TGIF1: variants seen among roughly 807,000 people sequenced by gnomAD.
TGIF1 encodes the protein TGFB induced factor homeobox 1, also known as homeobox protein TGIF1.
A neutral mutation model predicts 19.3 loss-of-function variants in TGIF1; 4 were observed. The observed-to-expected ratio is 0.21, with a 90% CI of 0.10 to 0.47. The LOEUF is 0.47. Among genes scored for constraint, TGIF1 ranks in the 20% least tolerant of loss-of-function variants. The pLI is 0.98. For synonymous variants in TGIF1, 122 were observed against 129.3 expected, an observed-to-expected ratio of 0.94 and a Z score of 0.38; for missense variants, 275 against 341.4, an observed-to-expected ratio of 0.81 and a Z score of 1.53.
chr18:3,416,788 C>T (rs944960934), intron 1 of TGIF1, among the ~76,000 whole-genome samples: 8 of 151,500 alleles, frequency 5.3e-5, no homozygotes, highest in East Asian at 3.9e-4. Flanking sequence ...AAAAATTAGC[C>T]GGGCGTGTTG....
chr18:3,422,022 C>A (rs558186177), intron 2 of TGIF1, among the ~76,000 whole-genome samples: 1 of 151,662 alleles, frequency 6.6e-6, no homozygotes, highest in Admixed American at 6.6e-5. Flanking sequence ...GGTGAAACCC[C>A]GTCTCTACTA....
intron 2 of TGIF1, among the ~76,000 whole-genome samples, chr18:3,428,385 C>T (rs1005963807): frequency 2.6e-5 from 4 of 151,992 alleles, no homozygotes; most frequent in Non-Finnish European, 4.4e-5. Flanking sequence ...ATGAGGTAGC[C>T]ATTTTTTCAT....
upstream of TGIF1, among the ~76,000 whole-genome samples, chr18:3,447,339 T>TAAA (rs11421150): frequency 4.2e-5 from 6 of 141,714 alleles, no homozygotes; most frequent in Admixed American, 2.8e-4. Flanking sequence ...CTATATACTT[T>TAAA]AAAAAAAAAA....
intron 2 of TGIF1, among the ~76,000 whole-genome samples, chr18:3,422,683 T>TG (rs1452701064): frequency 4.7e-5 from 6 of 128,746 alleles, no homozygotes; most frequent in Non-Finnish European, 6.7e-5. Flanking sequence ...CTTTTTTTTT[T>TG]TTTTTTTTTT....
intron 2 of TGIF1, among the ~76,000 whole-genome samples, chr18:3,428,997 G>T (rs150897137): frequency 0.014 from 2,077 of 152,134 alleles, 22 homozygotes; most frequent in Non-Finnish European, 0.022. Flanking sequence ...AGGTTAGAGT[G>T]AGCCGAGATC....
chr18:3,447,738 A>G (rs760131484), upstream of TGIF1: 28 of 1,614,002 alleles, frequency 1.7e-5, no homozygotes, highest in Non-Finnish European at 2.2e-5. Flanking sequence ...AACCGTTTGG[A>G]TATGACTTGC....
rs1274684268 is a variant in TGIF1 at position 3,422,777 on chromosome 18, A to G, written c.-45+4562A>G. 1.6e-4 allele frequency among the ~76,000 whole-genome samples: 21 copies of G among 129,192 alleles called. 1 individual carries two copies. Among genetic ancestry groups the G allele is most frequent in the South Asian group, 7.8e-4 (3 of 3,866 alleles). 84.8% of individuals were successfully genotyped at this position (129,192 alleles called of 152,430 possible). On this transcript the variant is annotated intron_variant, in intron 2 of 3. Transcript: ENST00000401449. Reference sequence around the variant, plus strand: ...GTGATCTCCGCTCACTGCAAGCTCCACCTCCTGGGTTCACACCATTCTCCT... The same window carrying G: ...GTGATCTCCGCTCACTGCAAGCTCCGCCTCCTGGGTTCACACCATTCTCCT...
upstream of TGIF1, among the ~76,000 whole-genome samples, chr18:3,447,053 T>A (rs1568042370): frequency 6.6e-6 from 1 of 152,230 alleles, no homozygotes; most frequent in Non-Finnish European, 1.5e-5. Context: ...TATCTGCCTT[T>A]CCAAGTTTCT....
chr18:3,452,410 A>G (rs1242744149), intron 1 of TGIF1: 18 of 1,612,814 alleles, frequency 1.1e-5, no homozygotes, highest in Non-Finnish European at 1.4e-5. Context: ...AAACTTTGCG[A>G]CTGGTTCAGG....
chr18:3,448,808 C>T (rs985126097), upstream of TGIF1, among the ~76,000 whole-genome samples: 8 of 148,262 alleles, frequency 5.4e-5, no homozygotes, highest in African/African-American at 2.1e-4. Context: ...TATCCCTTGG[C>T]CGTCTTAGTA....
rs1598897289 is a variant in TGIF1, at chr18:3,451,542, AG to A, written c.16+1041del. Reference sequence around the variant, plus strand: ...GTTAATCACTCGGGAAGCGGACGGGAGGGGCGGCGCTACTGCGCATGCCCGG... The same window carrying A: ...GTTAATCACTCGGGAAGCGGACGGGAGGGCGGCGCTACTGCGCATGCCCGG... On this transcript the variant is annotated intron_variant, in intron 1 of 2. Coordinates refer to ENST00000343820, the MANE Select transcript of TGIF1 (RefSeq NM_003244.4). The surrounding 1 kb of genome is among the most constrained non-coding windows in gnomAD (Gnocchi z 5.4). The A allele has an allele frequency of 2.4e-6, 2 of 837,066 alleles. No homozygotes were observed. Among genetic ancestry groups the A allele is most frequent in the Non-Finnish European group, 2.9e-6 (2 of 696,240 alleles). The allele number at this position is 837,066 out of a possible 1,614,324, so 51.9% of individuals were successfully genotyped here.
rs1442302887 is a variant in TGIF1 at position 3,450,200 on chromosome 18, A to G, written c.-290A>G. ...CTGACAGCGCCGAGGTGCGCCGAGC[A>G]GGAGCAGGGAACAAAGGAGCGGAGA... On this transcript the variant is annotated 5_prime_UTR_variant, in exon 1 of 3. Coordinates refer to ENST00000343820, the MANE Select transcript of TGIF1 (RefSeq NM_003244.4). The G allele has an allele frequency of 7.3e-7, 1 of 1,366,586 alleles. No homozygotes were observed. Among genetic ancestry groups the G allele is most frequent in the Non-Finnish European group, 9.4e-7 (1 of 1,059,530 alleles). 84.7% of individuals were successfully genotyped at this position (1,366,586 alleles called of 1,614,324 possible).
At chr18:3,427,843 G>A (rs1012547344) in intron 2 of TGIF1, among the ~76,000 whole-genome samples, 15 of 152,150 alleles carry the variant, frequency 9.9e-5, no homozygotes, top group African/African-American at 3.1e-4. Flanking sequence ...CAGGTGATCC[G>A]CCTGCCTGGG....
chr18:3,448,673 G>T (rs2082798701), upstream of TGIF1: 4 of 970,916 alleles, frequency 4.1e-6, no homozygotes, highest in East Asian at 3.4e-4. Flanking sequence ...AACCACCCAG[G>T]CTTTTTAAAC....
intron 1 of TGIF1, among the ~76,000 whole-genome samples, chr18:3,452,614 G>A (rs904914740): frequency 6.6e-6 from 1 of 152,050 alleles, no homozygotes; most frequent in African/African-American, 2.4e-5. Flanking sequence ...TTTCACTTGA[G>A]GCCGAGGAAC....
chr18:3,453,093 A>G (rs1008821418), intron 1 of TGIF1, among the ~76,000 whole-genome samples: 3 of 151,466 alleles, frequency 2.0e-5, no homozygotes, highest in African/African-American at 4.9e-5. Flanking sequence ...TCCCAAGGAG[A>G]TACTGATTTT....
chr18:3,427,031 C>T (rs1328148960), intron 2 of TGIF1, among the ~76,000 whole-genome samples: 1 of 151,584 alleles, frequency 6.6e-6, no homozygotes, highest in African/African-American at 2.4e-5. Flanking sequence ...TCAACCTCCA[C>T]CTCCCGGGTT....
chr18:3,417,406 T>C (rs2082347429), intron 1 of TGIF1, among the ~76,000 whole-genome samples: 1 of 151,880 alleles, frequency 6.6e-6, no homozygotes, highest in African/African-American at 2.4e-5. Flanking sequence ...GTCATCCACC[T>C]GCCTCAGCCT....
Position 3,456,909 on chromosome 18 carries a change from T to C in TGIF1, c.243+329T>C. ...AGGACGACTTCAGTGAGGTAATTCA[T>C]GTTATGTCTGTTGACACAGTCATTT... On this transcript the variant is annotated intron_variant, in intron 2 of 2. Coordinates refer to ENST00000343820, the MANE Select transcript of TGIF1 (RefSeq NM_003244.4). The surrounding 1 kb of genome is among the most constrained non-coding windows in gnomAD (Gnocchi z 4.2). 1 of 598,696 alleles carries C rather than the reference T, an allele frequency of 1.7e-6. No individual in the cohort carries two copies. Among genetic ancestry groups the C allele is most frequent in the South Asian group, 2.1e-5 (1 of 48,066 alleles). 37.1% of individuals were successfully genotyped at this position (598,696 alleles called of 1,614,324 possible). A position where few individuals can be genotyped will look rare whatever the true frequency, so the allele number is the denominator to read the frequency against.
Sources: gnomAD v4.1 joint callset for allele counts (sites outside exome capture counted in the v4.1 genomes callset) on GRCh38, gnomAD v4.1.1 for gene constraint, Gnocchi (gnomAD v3.1) non-coding constraint, MANE v1.5 for transcripts, NCBI Gene and HGNC (gene_info 2026-07-23, HGNC 2026-07-21) for gene names.